Variants in UBLCP1 observed in about 807,000 individuals in gnomAD.
UBLCP1 encodes the protein ubiquitin-like domain-containing CTD phosphatase 1.
A neutral mutation model predicts 42.4 loss-of-function variants in UBLCP1; 28 were observed. That is an observed-to-expected ratio of 0.66 (90% confidence interval 0.49 to 0.90). The LOEUF is 0.90. Ranked by LOEUF, UBLCP1 falls within the 40% of genes least tolerant of loss-of-function variation. The pLI, the probability that UBLCP1 is intolerant of heterozygous loss-of-function variation, is 0.00. For synonymous variants in UBLCP1, 122 were observed against 120.8 expected, an observed-to-expected ratio of 1.01 and a Z score of -0.07; for missense variants, 279 against 374.5, an observed-to-expected ratio of 0.75 and a Z score of 2.10.
chr5:159,283,120 A>T, intron 9 of UBLCP1, 92 bp from the exon 10 acceptor site: 1 of 1,275,392 alleles, frequency 7.8e-7, no homozygotes, highest in Non-Finnish European at 1.1e-6. Flanking sequence ...GTGATATTTT[A>T]ACCTCATTAA....
At chr5:159,277,198 C>T (rs555773806) in intron 8 of UBLCP1, among the ~76,000 whole-genome samples, 7 of 150,724 alleles carry the variant, frequency 4.6e-5, no homozygotes, top group Admixed American at 2.0e-4. Flanking sequence ...GTTTCTATTT[C>T]GGTAGTAAAC....
At chr5:159,269,686 A>T (rs1167775883) in intron 2 of UBLCP1, among the ~76,000 whole-genome samples, 1 of 152,296 alleles carries the variant, frequency 6.6e-6, no homozygotes. Flanking sequence ...TTCATCTAAC[A>T]TAGAATTGGG....
intron 6 of UBLCP1, among the ~76,000 whole-genome samples, 153 bp downstream of exon 6, chr5:159,272,274 A>G (rs112077399): frequency 6.6e-6 from 1 of 152,240 alleles, no homozygotes; most frequent in African/African-American, 2.4e-5. Flanking sequence ...GTATCACAAT[A>G]TAAACTTAAA....
Position 159,285,205 on chromosome 5 carries a change from CACACACACACA to C in UBLCP1, c.*275_*285del. The C allele has an allele frequency of 5.8e-6, 1 of 171,542 alleles. No homozygotes were observed. Among genetic ancestry groups the C allele is most frequent in the Non-Finnish European group, 1.1e-5 (1 of 91,528 alleles). The allele number at this position is 171,542 out of a possible 1,614,324, so 10.6% of individuals were successfully genotyped here. A position where few individuals can be genotyped will look rare whatever the true frequency, so the allele number is the denominator to read the frequency against. On this transcript the variant is annotated 3_prime_UTR_variant, in exon 11 of 11. Coordinates refer to ENST00000296786, the MANE Select transcript of UBLCP1 (RefSeq NM_145049.5). ...CCACCCCACCCTCCCACCACACACA[CACACACACACA>C]CACACACACACACACACACACACAC...
In UBLCP1 at chr5:159,274,858, T is replaced by G. The variant is rs150942885; in HGVS notation, c.585+236T>G. Among the ~76,000 whole-genome samples the G allele has an allele frequency of 3.8e-3, 573 of 152,324 alleles. 2 individuals are homozygous for G. The highest frequency in any genetic ancestry group is 6.2e-3 in the Non-Finnish European group (419 of 68,016). On this transcript the variant is annotated intron_variant, in intron 7 of 10. Coordinates refer to ENST00000296786, the MANE Select transcript of UBLCP1 (RefSeq NM_145049.5). ...CTTGTCCCCTCCCCCACATTCTTCC[T>G]CATTTTACAATAATACTTTATTTTC...
intron 1 of UBLCP1, among the ~76,000 whole-genome samples, chr5:159,267,315 C>T (rs918135799): frequency 2.0e-5 from 3 of 152,124 alleles, no homozygotes; most frequent in Non-Finnish European, 2.9e-5. Flanking sequence ...CGCTGGATTT[C>T]GGACTTGCAT....
intron 9 of UBLCP1, among the ~76,000 whole-genome samples, chr5:159,280,298 G>A (rs1020168451): frequency 1.3e-5 from 2 of 152,120 alleles, no homozygotes; most frequent in African/African-American, 4.8e-5. Context: ...TGCCCACGTC[G>A]GCATAGAAAC....
chr5:159,278,252 T>C lies in UBLCP1; in HGVS notation c.699T>C (p.Gly233=). Reference sequence around the variant, plus strand: ...TTTATTCTAAGGTAAAGCCTCTTGGTGTTATATGGGGAAAGTTTTCGGAGT... The same window carrying C: ...TTTATTCTAAGGTAAAGCCTCTTGGCGTTATATGGGGAAAGTTTTCGGAGT... ...RRGLIDVKPL[G]VIWGKFSEFY... is the part of the protein sequence containing the mutation. Residue 233 remains glycine, a synonymous_variant, in exon 9 of 11, where the codon GGT becomes GGC. Coordinates refer to ENST00000296786, the MANE Select transcript of UBLCP1 (RefSeq NM_145049.5). The C allele has an allele frequency of 6.2e-7, 1 of 1,611,136 alleles. No individual in the cohort carries two copies. Among genetic ancestry groups the C allele is most frequent in the Non-Finnish European group, 8.5e-7 (1 of 1,177,412 alleles).
intron 8 of UBLCP1, among the ~76,000 whole-genome samples, chr5:159,275,872 A>G (rs1452730247): frequency 6.6e-6 from 1 of 152,206 alleles, no homozygotes; most frequent in Non-Finnish European, 1.5e-5. Context: ...CAAGGAAGAT[A>G]CTAGAAACAA....
At chr5:159,271,894 A>G in intron 5 of UBLCP1, 129 bp from the exon 6 acceptor site, 1 of 561,584 alleles carries the variant, frequency 1.8e-6, no homozygotes, top group Non-Finnish European at 3.0e-6. Context: ...AACGTAATTC[A>G]GTCTGAAGCA....
At chr5:159,272,846 A>G (rs1310801898) in intron 6 of UBLCP1, among the ~76,000 whole-genome samples, 1 of 151,402 alleles carries the variant, frequency 6.6e-6, no homozygotes, top group East Asian at 1.9e-4. Context: ...TAAGCACACT[A>G]TTCAGTTCAA....
In UBLCP1 at chr5:159,270,415, T is replaced by A; in HGVS notation, c.302T>A (p.Ile101Asn). The change falls in exon 4 of 11, where the codon ATT becomes AAT. Residue 101 changes from isoleucine to asparagine, a missense_variant. Ile to Asn is a moderately radical substitution (Grantham distance 149). Transcript: ENST00000296786. Reference protein sequence around the residue: ...DNDDVVNDFDIEDEVVEVENR... With the variant: ...DNDDVVNDFDNEDEVVEVENR... ...GATGATGTTGTTAATGACTTTGATA[T>A]TGAAGATGAAGTAGTTGAAGTAGAA... The A allele has an allele frequency of 6.2e-7, 1 of 1,613,560 alleles. No individual in the cohort carries two copies. The highest frequency in any genetic ancestry group is 8.5e-7 in the Non-Finnish European group (1 of 1,179,694).
At chr5:159,266,295 G>A (rs191954056) in intron 1 of UBLCP1, among the ~76,000 whole-genome samples, 6 of 152,296 alleles carry the variant, frequency 3.9e-5, no homozygotes, top group Admixed American at 2.6e-4. Context: ...CTCTTGTTAT[G>A]TATTAGCAAA....
chr5:159,278,545 G>C (rs2113319966), intron 9 of UBLCP1, among the ~76,000 whole-genome samples, 191 bp downstream of exon 9: 1 of 152,166 alleles, frequency 6.6e-6, no homozygotes, highest in South Asian at 2.1e-4. Context: ...TCCATAGTTA[G>C]CTAGTTCATC....
intron 6 of UBLCP1, among the ~76,000 whole-genome samples, chr5:159,273,179 T>C (rs1753492675): frequency 6.6e-6 from 1 of 152,230 alleles, no homozygotes; most frequent in African/African-American, 2.4e-5. Flanking sequence ...TCAAAATATA[T>C]AATTTTCTGG....
At chr5:159,267,984 T>C (rs1480047241) in intron 1 of UBLCP1, among the ~76,000 whole-genome samples, 2 of 151,592 alleles carry the variant, frequency 1.3e-5, no homozygotes, top group Non-Finnish European at 3.0e-5. Flanking sequence ...AACTCTTGTA[T>C]GTTCAACTGA....
chr5:159,283,371 T>C (rs770178221), intron 10 of UBLCP1, 32 bp downstream of exon 10: 1 of 1,515,298 alleles, frequency 6.6e-7, no homozygotes. Context: ...ATTTTCTCTT[T>C]ACATCAATGA....
chr5:159,267,089 T>C (rs1753405255), intron 1 of UBLCP1, among the ~76,000 whole-genome samples: 1 of 152,124 alleles, frequency 6.6e-6, no homozygotes, highest in East Asian at 1.9e-4. Context: ...GGCCCCAGAA[T>C]GGCAGATCTG....
intron 6 of UBLCP1, among the ~76,000 whole-genome samples, chr5:159,273,553 A>G (rs992152213): frequency 3.9e-5 from 6 of 152,180 alleles, no homozygotes; most frequent in African/African-American, 1.4e-4. Context: ...CAATATAGCA[A>G]CTAGTACTAT....
Sources: allele counts gnomAD v4.1 joint callset (sites outside exome capture counted in the v4.1 genomes callset), GRCh38; gene constraint gnomAD v4.1.1; transcripts MANE v1.5; gene names NCBI Gene and HGNC (gene_info 2026-07-23, HGNC 2026-07-21).